The following JAKMIP3 variants were observed in gnomAD, a reference collection of about 807,000 sequenced individuals.
JAKMIP3 encodes Janus kinase and microtubule interacting protein 3, also known as janus kinase and microtubule-interacting protein 3.
Under a neutral mutation model 118.5 loss-of-function variants are expected in JAKMIP3, and 58 were observed. The observed-to-expected ratio is 0.49, with a 90% CI of 0.40 to 0.61. The LOEUF is 0.61. Ranked by LOEUF, JAKMIP3 falls within the 20% of genes least tolerant of loss-of-function variation. The probability of loss-of-function intolerance (pLI) is 0.00; values close to 1 mark genes in which losing one functional copy is unlikely to be tolerated. For missense variants in JAKMIP3, 950 were observed against 1,109.0 expected (o/e 0.86, Z 2.04); for synonymous variants, 486 against 451.2 (o/e 1.08, Z -0.98).
intron 11 of JAKMIP3, among the ~76,000 whole-genome samples, 163 bp from the exon 12 acceptor site, chr10:132,144,944 A>G (rs1044508326): frequency 1.3e-5 from 2 of 152,130 alleles, no homozygotes; most frequent in Non-Finnish European, 2.9e-5. Flanking sequence ...AAAACAAAAC[A>G]GTTCTCCCTC....
Position 132,117,651 on chromosome 10 carries a change from G to A in JAKMIP3, c.633+77G>A, listed in dbSNP as rs1281158618. Reference sequence around the variant, plus strand: ...GGCGAGGGTGCAGGGGCGGGCGTGGGCGAGGGTGCAGGCGTGGGCTCGGGG... The same window carrying A: ...GGCGAGGGTGCAGGGGCGGGCGTGGACGAGGGTGCAGGCGTGGGCTCGGGG... On this transcript the variant is annotated intron_variant, in intron 3 of 23. Coordinates refer to ENST00000684848, the MANE Select transcript of JAKMIP3 (RefSeq NM_001323087.2). This position sits in a 1 kb window ranked among gnomAD's most constrained non-coding sequence, Gnocchi z 8.6. 7.8e-7 allele frequency: 1 copy of A among 1,279,734 alleles called. No homozygotes were observed. The highest frequency in any genetic ancestry group is 1.5e-5 in the African/African-American group (1 of 66,276). 79.3% of individuals were successfully genotyped at this position (1,279,734 alleles called of 1,614,324 possible).
intron 1 of JAKMIP3, among the ~76,000 whole-genome samples, chr10:132,080,531 TTTTTTTTTA>T (rs1296700511): frequency 3.7e-4 from 32 of 86,948 alleles, no homozygotes; most frequent in African/African-American, 1.2e-3. Flanking sequence ...TTTTTTTTTT[TTTTTTTTTA>T]AGATGGAGTC....
chr10:132,119,081 A>G (rs1328431419), intron 3 of JAKMIP3, among the ~76,000 whole-genome samples: 1 of 152,134 alleles, frequency 6.6e-6, no homozygotes, highest in Non-Finnish European at 1.5e-5. Flanking sequence ...AGAGGCAGCT[A>G]TTCACAGTTC....
At chr10:132,178,728 C>A (rs116348569) in intron 23 of JAKMIP3, among the ~76,000 whole-genome samples, 1 of 152,158 alleles carries the variant, frequency 6.6e-6, no homozygotes, top group Non-Finnish European at 1.5e-5. Flanking sequence ...AGGTCCCGAG[C>A]CTTCCAGTGG....
chr10:132,105,256 A>C (rs55855326), intron 2 of JAKMIP3, among the ~76,000 whole-genome samples: 34,024 of 152,214 alleles, frequency 0.22, 4,306 homozygotes, highest in African/African-American at 0.35. Flanking sequence ...GTGGTGCCAT[A>C]CCTGGAAAGG....
At chr10:132,142,529 C>T (rs1477709633) in intron 11 of JAKMIP3, among the ~76,000 whole-genome samples, 2 of 151,176 alleles carry the variant, frequency 1.3e-5, no homozygotes, top group African/African-American at 4.9e-5. Flanking sequence ...CTGGGCAGCA[C>T]CCCAGCAGCC....
intron 1 of JAKMIP3, among the ~76,000 whole-genome samples, chr10:132,039,096 A>C (rs1322279850): frequency 6.6e-6 from 1 of 152,216 alleles, no homozygotes; most frequent in African/African-American, 2.4e-5. Context: ...ACCAGAACTA[A>C]GGAGTGTGGA....
At chr10:132,078,411 A>G (rs1008549224) in intron 1 of JAKMIP3, among the ~76,000 whole-genome samples, 2 of 151,882 alleles carry the variant, frequency 1.3e-5, no homozygotes, top group Non-Finnish European at 2.9e-5. Context: ...CTCTCCAGAG[A>G]TTTGAAAAAT....
intron 10 of JAKMIP3, among the ~76,000 whole-genome samples, chr10:132,141,292 C>T (rs1283352724): frequency 6.6e-6 from 1 of 152,174 alleles, no homozygotes; most frequent in Admixed American, 6.5e-5. Context: ...GGAACTGGGC[C>T]AGGCCAAGGC....
intron 16 of JAKMIP3, among the ~76,000 whole-genome samples, chr10:132,152,490 A>G (rs1436537219): frequency 6.6e-6 from 1 of 152,150 alleles, no homozygotes; most frequent in African/African-American, 2.4e-5. Context: ...AAAAGAGACA[A>G]AACCTTCCAG....
intron 1 of JAKMIP3, among the ~76,000 whole-genome samples, chr10:132,075,546 A>G (rs2040656969): frequency 6.6e-6 from 1 of 151,610 alleles, no homozygotes; most frequent in African/African-American, 2.4e-5. Context: ...AGTAGCTGGG[A>G]TTACAGGCAT....
At chr10:132,171,110 G>A (rs955161344) in intron 23 of JAKMIP3, among the ~76,000 whole-genome samples, 4 of 152,238 alleles carry the variant, frequency 2.6e-5, no homozygotes, top group Admixed American at 2.0e-4. Context: ...GGAGAGCGAT[G>A]CCTTTGCAGG....
intron 16 of JAKMIP3, among the ~76,000 whole-genome samples, chr10:132,150,822 G>A (rs1003492800): frequency 7.5e-5 from 11 of 146,692 alleles, no homozygotes; most frequent in Admixed American, 5.3e-4. Flanking sequence ...CCATCTATCT[G>A]TCCTCCACAA....
intron 19 of JAKMIP3, among the ~76,000 whole-genome samples, chr10:132,159,574 C>CT (rs1245351445): frequency 4.0e-4 from 48 of 119,012 alleles, no homozygotes; most frequent in Non-Finnish European, 5.8e-4. Context: ...GGGGGCGTGT[C>CT]TCCCTGTGTG....
intron 3 of JAKMIP3, among the ~76,000 whole-genome samples, chr10:132,124,730 C>T (rs551544363): frequency 2.6e-5 from 4 of 152,334 alleles, no homozygotes; most frequent in East Asian, 1.9e-4. Flanking sequence ...TGGGTGGCCG[C>T]GTGCATGCCT....
chr10:132,146,930 G>A (rs1261728388), intron 13 of JAKMIP3, among the ~76,000 whole-genome samples: 1 of 152,088 alleles, frequency 6.6e-6, no homozygotes, highest in African/African-American at 2.4e-5. Flanking sequence ...ACTTGAACAC[G>A]CACACACGTA....
intron 3 of JAKMIP3, among the ~76,000 whole-genome samples, chr10:132,121,606 C>G (rs1247891010): frequency 1.3e-5 from 2 of 152,182 alleles, no homozygotes; most frequent in African/African-American, 2.4e-5. Flanking sequence ...AGAGCTGTCC[C>G]ATGATGGCCT....
At position 132,152,866 on chromosome 10, in the gene JAKMIP3, C is replaced by CTCCCCAGTCAGCT. The variant is rs1294144543; in HGVS notation, c.2008-85_2008-73dup. On this transcript the variant is annotated intron_variant, in intron 16 of 23. Transcript: ENST00000684848. ...CCCCACCCAGGCGTCCCCAGTCAGC[C>CTCCCCAGTCAGCT]TCCCCAGTCAGCTTCCCCATGCATC... is the stretch of plus-strand genomic sequence containing the variant. 5 of 1,026,122 alleles carry CTCCCCAGTCAGCT rather than the reference C, an allele frequency of 4.9e-6. 1 individual carries two copies. The highest frequency in any genetic ancestry group is 5.3e-5 in the East Asian group (2 of 37,894). The allele number at this position is 1,026,122 out of a possible 1,614,324, so 63.6% of individuals were successfully genotyped here.
intron 23 of JAKMIP3, among the ~76,000 whole-genome samples, chr10:132,180,852 CTGTGTG>C (rs140454878): frequency 6.6e-6 from 1 of 150,448 alleles, no homozygotes; most frequent in East Asian, 2.0e-4. Context: ...CATGTGTGTG[CTGTGTG>C]TGAGTGGTGT....
Sources: gnomAD v4.1 joint callset for allele counts (sites outside exome capture counted in the v4.1 genomes callset) on GRCh38, gnomAD v4.1.1 for gene constraint, Gnocchi (gnomAD v3.1) non-coding constraint, MANE v1.5 for transcripts, NCBI Gene and HGNC (gene_info 2026-07-23, HGNC 2026-07-21) for gene names.